The following CLIC5 variants were observed in gnomAD, a reference collection of about 807,000 sequenced individuals.
The protein encoded by CLIC5 is chloride intracellular channel protein 5.
CLIC5 carries 20 observed loss-of-function variants against 24.7 expected under a neutral mutation model. The ratio of observed to expected loss-of-function variants is 0.81; its 90% confidence interval spans 0.57 to 1.18. CLIC5 has a LOEUF of 1.18. CLIC5 is among the 50% of genes most tolerant of loss of function. The pLI, the probability that CLIC5 is intolerant of heterozygous loss-of-function variation, is 0.00. For missense variants in CLIC5, 341 were observed against 326.1 expected, an observed-to-expected ratio of 1.05 and a Z score of -0.35; for synonymous variants, 159 against 135.6, an observed-to-expected ratio of 1.17 and a Z score of -1.20.
At chr6:46,086,817 G>C in the CLIC5 span, among the ~76,000 whole-genome samples, 1 of 152,176 alleles carries the variant, frequency 6.6e-6, no homozygotes, top group Admixed American at 6.5e-5. Flanking sequence ...GGAGGGAACT[G>C]TGTGTAAGCC....
At chr6:45,952,905 T>C (rs945905601) in intron 2 of CLIC5, among the ~76,000 whole-genome samples, 5 of 152,218 alleles carry the variant, frequency 3.3e-5, no homozygotes, top group Non-Finnish European at 7.3e-5. Flanking sequence ...TCTTTAGTTA[T>C]CACAGACATT....
intron 3 of CLIC5, among the ~76,000 whole-genome samples, chr6:45,944,850 C>T (rs1487877021): frequency 6.6e-6 from 1 of 152,210 alleles, no homozygotes; most frequent in Non-Finnish European, 1.5e-5. Flanking sequence ...AGTGTTTTCC[C>T]TCCTTTTTCT....
chr6:45,916,898 G>A (rs1319001613), intron 4 of CLIC5, among the ~76,000 whole-genome samples: 1 of 152,182 alleles, frequency 6.6e-6, no homozygotes, highest in African/African-American at 2.4e-5. Flanking sequence ...GACCAGGAAT[G>A]TGAGGGCTGC....
chr6:46,081,388 C>T (rs1281774229), upstream of CLIC5, among the ~76,000 whole-genome samples: 8 of 152,158 alleles, frequency 5.3e-5, no homozygotes, highest in Admixed American at 5.2e-4. Context: ...AATGCAACTC[C>T]TGTTGACAAG....
At chr6:46,035,922 T>G (rs1767646163) in intron 1 of CLIC5, among the ~76,000 whole-genome samples, 1 of 151,942 alleles carries the variant, frequency 6.6e-6, no homozygotes, top group South Asian at 2.1e-4. Flanking sequence ...TTTTTTTGTA[T>G]TTTTAGTAGA....
intron 1 of CLIC5, among the ~76,000 whole-genome samples, chr6:46,036,405 G>C (rs911803223): frequency 6.7e-6 from 1 of 149,314 alleles, no homozygotes; most frequent in African/African-American, 2.5e-5. Context: ...CTGCCTCCCA[G>C]GTTCACACCA....
upstream of CLIC5, among the ~76,000 whole-genome samples, chr6:46,084,253 T>C (rs1762984228): frequency 6.6e-6 from 1 of 152,196 alleles, no homozygotes; most frequent in South Asian, 2.1e-4. Flanking sequence ...TGTCTTTTAA[T>C]TGGAGCATTT....
chr6:46,125,968 T>C, the CLIC5 span, among the ~76,000 whole-genome samples: 1 of 152,192 alleles, frequency 6.6e-6, no homozygotes, highest in Non-Finnish European at 1.5e-5. Flanking sequence ...AACTAATTCA[T>C]GTGGTTAATG....
chr6:46,037,003 C>T (rs1326782441), intron 1 of CLIC5, among the ~76,000 whole-genome samples: 4 of 152,060 alleles, frequency 2.6e-5, no homozygotes, highest in Admixed American at 2.6e-4. Context: ...GAAAAAAATA[C>T]CTTCCCCCAT....
At chr6:45,919,472 C>A (rs185867235) in intron 4 of CLIC5, among the ~76,000 whole-genome samples, 3 of 152,312 alleles carry the variant, frequency 2.0e-5, no homozygotes, top group Non-Finnish European at 4.4e-5. Context: ...TTAACATGCT[C>A]TAGTTCCCTG....
chr6:45,954,272 C>CAAA (rs11311720), intron 2 of CLIC5, among the ~76,000 whole-genome samples: 35 of 76,492 alleles, frequency 4.6e-4, no homozygotes, highest in Non-Finnish European at 5.6e-4. Context: ...GACTCTGTCT[C>CAAA]AAAAAAAAAA....
intron 1 of CLIC5, among the ~76,000 whole-genome samples, chr6:46,052,426 G>C (rs1329233814): frequency 1.3e-5 from 2 of 152,216 alleles, no homozygotes; most frequent in Non-Finnish European, 2.9e-5. Flanking sequence ...AAATAAGACA[G>C]TGTCACCAAT....
chr6:45,977,308 A>T (rs1416169), intron 1 of CLIC5, among the ~76,000 whole-genome samples: 40,964 of 152,092 alleles, frequency 0.27, 6,634 homozygotes, highest in Middle Eastern at 0.42. Context: ...AATGACAAGC[A>T]TATTGTAATT....
rs566201170 is a variant in CLIC5 at position 46,029,291 on chromosome 6, G to A, written c.540+50412C>T. Among the ~76,000 whole-genome samples the A allele has an allele frequency of 7.9e-5, 12 of 152,296 alleles. No homozygotes were observed. The South Asian group carries it at 1.9e-3, about 24-fold the overall frequency. ...GTTTACTGAGGCTTTCTAAGTTCAG[G>A]CTCTCAGCCAGGCATCTTCAAACCA... On this transcript the variant is annotated intron_variant, in intron 1 of 5. Transcript: ENST00000185206.
chr6:45,880,836 C>T (rs1345251719), downstream of CLIC5: 5 of 290,088 alleles, frequency 1.7e-5, no homozygotes, highest in African/African-American at 1.1e-4. Context: ...CTGAGAGAGG[C>T]AGAGTTAGTT....
At position 45,914,352 on chromosome 6, in the gene CLIC5, G is replaced by C; in HGVS notation, c.464C>G (p.Pro155Arg). The change falls in exon 5 of 6, where the codon CCT becomes CGT. Residue 155 changes from proline to arginine, a missense_variant. By Grantham distance (103) the Pro-to-Arg change is moderately radical (BLOSUM62 -2). Coordinates refer to ENST00000339561, the MANE Select transcript of CLIC5 (RefSeq NM_016929.5). ...GTTGGCGTCAATCTCCTCTGGTAGA[G>C]GGGTGTTCAGGTAGTCATCCAATTT... ...LKKLDDYLNT[P>R]LPEEIDANTC... is the part of the protein sequence containing the mutation. 6.2e-7 allele frequency: 1 copy of C among 1,606,354 alleles called. No individual in the cohort carries two copies. Among genetic ancestry groups the C allele is most frequent in the Non-Finnish European group, 8.5e-7 (1 of 1,174,290 alleles).
In CLIC5 at chr6:46,010,472, C is replaced by A. The variant is rs142994868; in HGVS notation, c.63+5008G>T. Reference sequence around the variant, plus strand: ...TGACACCAAAGTTTCACTCTTCCACCACATCTCTTGCCACCACTAACATGG... The same window carrying A: ...TGACACCAAAGTTTCACTCTTCCACAACATCTCTTGCCACCACTAACATGG... On this transcript the variant is annotated intron_variant, in intron 1 of 5. Transcript: ENST00000339561. 2.9e-3 allele frequency among the ~76,000 whole-genome samples: 447 copies of A among 152,314 alleles called. 1 individual carries two copies. The highest frequency in any genetic ancestry group is 9.4e-3 in the African/African-American group (392 of 41,576).
At chr6:45,984,668 G>T (rs371005648) in intron 1 of CLIC5, among the ~76,000 whole-genome samples, 3 of 152,130 alleles carry the variant, frequency 2.0e-5, no homozygotes, top group East Asian at 3.9e-4. Flanking sequence ...TCTTGCCTTC[G>T]CTGGGGCTAG....
intron 1 of CLIC5, among the ~76,000 whole-genome samples, chr6:46,008,436 A>G (rs1766671233): frequency 6.6e-6 from 1 of 152,128 alleles, no homozygotes; most frequent in African/African-American, 2.4e-5. Context: ...GTCCCATCAT[A>G]TGCATGACTC....
Sources: allele counts gnomAD v4.1 joint callset (sites outside exome capture counted in the v4.1 genomes callset), GRCh38; gene constraint gnomAD v4.1.1; transcripts MANE v1.5; gene names NCBI Gene and HGNC (gene_info 2026-07-23, HGNC 2026-07-21).